Variants in RYR2 observed in about 807,000 individuals in gnomAD.
The protein encoded by RYR2 is ryanodine receptor 2, also known as cardiac muscle ryanodine receptor-calcium release channel.
Under a neutral mutation model 601.1 loss-of-function variants are expected in RYR2, and 227 were observed. The observed-to-expected ratio is 0.38, with a 90% confidence interval of 0.34 to 0.42. The LOEUF is 0.42. RYR2 is among the 10% of genes least tolerant of loss of function. The pLI is 1.00. For missense variants in RYR2, 4,646 were observed against 6,156.5 expected (o/e 0.75, Z 8.21); for synonymous variants, 2,223 against 2,175.1 (o/e 1.02, Z -0.61).
At chr1:237,659,645 G>A (rs1212928993) in intron 54 of RYR2, among the ~76,000 whole-genome samples, 2 of 152,184 alleles carry the variant, frequency 1.3e-5, no homozygotes, top group African/African-American at 4.8e-5. Flanking sequence ...CTGTGGGAAT[G>A]CTTATTGGCA....
In RYR2 at chr1:237,631,927, C is replaced by T. The variant is rs371207380; in HGVS notation, c.6555+386C>T. 4.6e-5 allele frequency among the ~76,000 whole-genome samples: 7 copies of T among 151,942 alleles called. No individual in the cohort carries two copies. In the East Asian group the frequency reaches 1.2e-3, roughly 25 times the overall value. ...GGATTACAGGCGTGAGCCACCGCGC[C>T]CAGCCCAGATTGTAGATTCTTAATG... On this transcript the variant is annotated intron_variant, in intron 42 of 104. Coordinates refer to ENST00000366574, the MANE Select transcript of RYR2 (RefSeq NM_001035.3).
At chr1:237,666,955 G>A (rs1023707892) in intron 57 of RYR2, among the ~76,000 whole-genome samples, 1 of 151,964 alleles carries the variant, frequency 6.6e-6, no homozygotes, top group African/African-American at 2.4e-5. Context: ...GGGTGTTTCA[G>A]CCGTATAACA....
chr1:237,436,454 C>CTTTTTTTTTTTTATTTTTTTTTTTTTTTT (rs1707371547), intron 12 of RYR2, among the ~76,000 whole-genome samples: 1 of 48,730 alleles, frequency 2.1e-5, no homozygotes, highest in Non-Finnish European at 3.5e-5. Flanking sequence ...TGTGATTTTC[C>CTTTTTTTTTTTTATTTTTTTTTTTTTTTT]TTTTTTTTTT....
intron 2 of RYR2, among the ~76,000 whole-genome samples, chr1:237,324,390 C>CA (rs1490122913): frequency 1.3e-5 from 2 of 152,154 alleles, no homozygotes; most frequent in Non-Finnish European, 2.9e-5. Context: ...TCAACAGTTA[C>CA]AGTGCCTTCC....
At chr1:237,100,645 C>T (rs1030139417) in intron 1 of RYR2, among the ~76,000 whole-genome samples, 6 of 152,138 alleles carry the variant, frequency 3.9e-5, no homozygotes, top group Non-Finnish European at 2.9e-5. Flanking sequence ...CTCAGCCTCC[C>T]AAACTTCTGG....
chr1:237,408,965 C>T (rs776903626), intron 10 of RYR2, among the ~76,000 whole-genome samples: 17 of 151,960 alleles, frequency 1.1e-4, no homozygotes, highest in African/African-American at 3.1e-4. Context: ...ACTTTAAATA[C>T]GTGTTGTTCA....
At chr1:237,429,623 T>TC (rs1465840142) in intron 12 of RYR2, among the ~76,000 whole-genome samples, 2 of 152,160 alleles carry the variant, frequency 1.3e-5, no homozygotes, top group African/African-American at 4.8e-5. Flanking sequence ...TTTGATTCTT[T>TC]CTCTAGTAAT....
At chr1:237,473,860 T>C (rs551003357) in intron 17 of RYR2, among the ~76,000 whole-genome samples, 1 of 152,184 alleles carries the variant, frequency 6.6e-6, no homozygotes, top group East Asian at 1.9e-4. Context: ...TACCTCTACA[T>C]TTACATGGCC....
chr1:237,776,480 A>G (rs1306849409), intron 87 of RYR2, among the ~76,000 whole-genome samples: 2 of 152,198 alleles, frequency 1.3e-5, no homozygotes, highest in East Asian at 3.9e-4. Flanking sequence ...ACTTTGTCAC[A>G]AGAATAATCT....
intron 1 of RYR2, among the ~76,000 whole-genome samples, chr1:237,118,664 G>A (rs1004969226): frequency 1.3e-5 from 2 of 151,992 alleles, no homozygotes; most frequent in African/African-American, 4.8e-5. Context: ...GAGTGCAGTG[G>A]CATGATTTGG....
At chr1:237,366,456 C>T (rs539799662) in intron 5 of RYR2, among the ~76,000 whole-genome samples, 2 of 152,150 alleles carry the variant, frequency 1.3e-5, no homozygotes, top group African/African-American at 2.4e-5. Context: ...GGCTGGAGTA[C>T]AGTGGCATGA....
At chr1:237,453,651 T>C (rs972342689) in intron 14 of RYR2, among the ~76,000 whole-genome samples, 1 of 152,158 alleles carries the variant, frequency 6.6e-6, no homozygotes, top group Admixed American at 6.6e-5. Context: ...GTATGCATTG[T>C]TTTAAAAAAT....
At chr1:237,650,998 T>C (rs1384940682) in intron 50 of RYR2, among the ~76,000 whole-genome samples, 2 of 152,240 alleles carry the variant, frequency 1.3e-5, no homozygotes, top group Admixed American at 1.3e-4. Context: ...GCAAATTTGC[T>C]GTCTCAGCCT....
chr1:237,821,470 A>G (rs951488705), intron 101 of RYR2, among the ~76,000 whole-genome samples: 3 of 152,158 alleles, frequency 2.0e-5, no homozygotes, highest in African/African-American at 7.2e-5. Flanking sequence ...AGAAAGGAAT[A>G]GTATCAACAT....
intron 1 of RYR2, among the ~76,000 whole-genome samples, chr1:237,167,569 G>C (rs1472326127): frequency 1.3e-5 from 2 of 152,076 alleles, no homozygotes; most frequent in Non-Finnish European, 2.9e-5. Context: ...CTGTCAAATA[G>C]TAGTTTTCTC....
chr1:237,412,837 T>C (rs1704582076), intron 10 of RYR2, among the ~76,000 whole-genome samples: 1 of 152,292 alleles, frequency 6.6e-6, no homozygotes, highest in South Asian at 2.1e-4. Flanking sequence ...GGGCATTTGC[T>C]CTGAGTATAA....
chr1:237,137,979 T>C (rs113999926), intron 1 of RYR2, among the ~76,000 whole-genome samples: 1,623 of 152,286 alleles, frequency 0.011, 17 homozygotes, highest in South Asian at 0.031. Context: ...ATCATTTATT[T>C]GTGTTACTTT....
intron 26 of RYR2, among the ~76,000 whole-genome samples, chr1:237,549,251 G>A (rs1670130971): frequency 6.6e-6 from 1 of 152,148 alleles, no homozygotes; most frequent in Admixed American, 6.5e-5. Context: ...AAATTTGCCT[G>A]AAAGAGGGAA....
At chr1:237,803,221 C>G (rs942131806) in intron 98 of RYR2, among the ~76,000 whole-genome samples, 1 of 152,226 alleles carries the variant, frequency 6.6e-6, no homozygotes, top group East Asian at 1.9e-4. Flanking sequence ...CATGTGTAGA[C>G]CACACATGCA....
Sources: allele counts gnomAD v4.1 joint callset (sites outside exome capture counted in the v4.1 genomes callset), GRCh38; gene constraint gnomAD v4.1.1; transcripts MANE v1.5; gene names NCBI Gene and HGNC (gene_info 2026-07-23, HGNC 2026-07-21).